CCDC80: variants seen among roughly 807,000 people sequenced by gnomAD.
CCDC80 encodes coiled-coil domain-containing protein 80.
Under a neutral mutation model 78.7 loss-of-function variants are expected in CCDC80, and 49 were observed. That is an observed-to-expected ratio of 0.62 (90% CI 0.50 to 0.79). The LOEUF (loss-of-function observed/expected upper bound fraction) is 0.79, where lower values mean the gene tolerates loss of function less well. Among genes scored for constraint, CCDC80 ranks in the 30% least tolerant of loss-of-function variants. The pLI is 0.00. For missense variants in CCDC80, 1,205 were observed against 1,198.6 expected (o/e 1.01, Z -0.08); for synonymous variants, 488 against 447.0 (o/e 1.09, Z -1.16).
intron 5 of CCDC80, among the ~76,000 whole-genome samples, chr3:112,614,602 T>C (rs761773186): frequency 1.6e-4 from 25 of 152,070 alleles, no homozygotes; most frequent in Non-Finnish European, 3.2e-4. Flanking sequence ...TTTAAGTCCT[T>C]ATGAAGGTGT....
In CCDC80 at chr3:112,598,533, C is replaced by T. The variant is rs1027317740; in HGVS notation, c.*6884G>A. 1 of 152,430 alleles carries T rather than the reference C, an allele frequency of 6.6e-6. No homozygotes were observed. The highest frequency in any genetic ancestry group is 1.9e-4 in the East Asian group (1 of 5,190). The allele number at this position is 152,430 out of a possible 1,614,324, so 9.4% of individuals were successfully genotyped here. ...GGGCAGTCTTAGCTATTTAAAATCA[C>T]CCACTTCTTCATCCGGCTCCCTTGG... On this transcript the variant is annotated 3_prime_UTR_variant, in exon 8 of 8. Transcript: ENST00000206423.
intron 3 of CCDC80, among the ~76,000 whole-genome samples, chr3:112,622,655 AATT>A (rs1464635109): frequency 6.6e-6 from 1 of 151,872 alleles, no homozygotes; most frequent in East Asian, 1.9e-4. Flanking sequence ...TTTTAAAAAA[AATT>A]ATTATTATTA....
chr3:112,639,744 G>A lies in CCDC80; in HGVS notation c.162C>T (p.His54=). The A allele has an allele frequency of 1.2e-6, 2 of 1,614,144 alleles. No homozygotes were observed. Among genetic ancestry groups the A allele is most frequent in the South Asian group, 1.1e-5 (1 of 91,088 alleles). Residue 54 remains histidine (H), a synonymous_variant, in exon 2 of 8, where the codon CAC becomes CAT. Transcript: ENST00000206423. ...DSSRPARFLR[H]TGRSRGIERS... ...TCTCAATTCCGCGAGACCTCCCAGT[G>A]TGCCTCAGAAACCGAGCTGGCCTAC...
chr3:112,633,022 T>C (rs929167185), intron 2 of CCDC80, among the ~76,000 whole-genome samples: 3 of 152,214 alleles, frequency 2.0e-5, no homozygotes, highest in Admixed American at 6.5e-5. Flanking sequence ...GTTCAGCTCC[T>C]GGCTAGCTTG....
At chr3:112,627,694 A>G (rs1936004644) in intron 3 of CCDC80, among the ~76,000 whole-genome samples, 1 of 152,214 alleles carries the variant, frequency 6.6e-6, no homozygotes, top group Admixed American at 6.5e-5. Context: ...CTTGGCTCAC[A>G]GTGCTACAGC....
rs1315094929 is a variant in CCDC80, at chr3:112,638,097, G to C, written c.1809C>G (p.His603Gln). 4 of 1,614,004 alleles carry C rather than the reference G, an allele frequency of 2.5e-6. No individual in the cohort carries two copies. The highest frequency in any genetic ancestry group is 3.3e-5 in the Admixed American group (2 of 59,980). ...CTGACTTCTTGGGACTCTGCGTGAA[G>C]TGTTTGTTGGTGGGTTTCTGATAGC... ...QDGYQKPTNK[H>Q]FTQSPKKSVA... Residue 603 changes from histidine (H) to glutamine (Q), a missense_variant, in exon 2 of 8, where the codon CAC (histidine) becomes CAG (glutamine). By Grantham distance (24) the His-to-Gln change is conservative. Transcript: ENST00000206423.
chr3:112,610,594 G>A (rs1044871866), intron 5 of CCDC80, among the ~76,000 whole-genome samples: 2 of 152,164 alleles, frequency 1.3e-5, no homozygotes, highest in African/African-American at 2.4e-5. Context: ...GTGGTTTAAA[G>A]GTTCAAAGAG....
intron 2 of CCDC80, among the ~76,000 whole-genome samples, chr3:112,634,834 C>T (rs1298234381): frequency 1.3e-5 from 2 of 152,146 alleles, no homozygotes; most frequent in African/African-American, 4.8e-5. Flanking sequence ...TTTGAGTTTT[C>T]AACTCAAACA....
chr3:112,621,933 A>G (rs955244749), intron 3 of CCDC80, among the ~76,000 whole-genome samples: 3 of 152,192 alleles, frequency 2.0e-5, no homozygotes, highest in Non-Finnish European at 4.4e-5. Flanking sequence ...CTCACCCCTC[A>G]TAAGTATTGT....
At chr3:112,625,478 T>C (rs924791728) in intron 3 of CCDC80, among the ~76,000 whole-genome samples, 1 of 152,226 alleles carries the variant, frequency 6.6e-6, no homozygotes, top group African/African-American at 2.4e-5. Flanking sequence ...GTATGTGTGA[T>C]ATATGTGTAA....
chr3:112,612,040 CTT>C (rs754201530), intron 5 of CCDC80, among the ~76,000 whole-genome samples: 305 of 133,388 alleles, frequency 2.3e-3, no homozygotes, highest in East Asian at 4.8e-3. Context: ...ACTTCCTCTG[CTT>C]TTTTTTTTTT....
chr3:112,638,389 T>G lies in CCDC80; in HGVS notation c.1517A>C (p.Tyr506Ser), dbSNP rs1323895592. The change falls in exon 2 of 8, where the codon TAT becomes TCT. Residue 506 changes from tyrosine to serine, a missense_variant. Physicochemically the swap from Tyr to Ser is moderately radical, Grantham distance 144. Coordinates refer to ENST00000206423, the MANE Select transcript of CCDC80 (RefSeq NM_199511.3). ...CCGGCTGAGGTCATACTTCTCCTCATACTCATTACTAAGAATTTTGTCCTG... is the reference window on the plus strand; with the variant it reads ...CCGGCTGAGGTCATACTTCTCCTCAGACTCATTACTAAGAATTTTGTCCTG... ...KAQDKILSNEYEEKYDLSRPT... is the reference protein window; with the variant it reads ...KAQDKILSNESEEKYDLSRPT... 6.2e-7 allele frequency: 1 copy of G among 1,614,054 alleles called. No individual in the cohort carries two copies.
At chr3:112,618,764 G>A (rs1470148445) in intron 4 of CCDC80, among the ~76,000 whole-genome samples, 1 of 152,194 alleles carries the variant, frequency 6.6e-6, no homozygotes, top group Non-Finnish European at 1.5e-5. Flanking sequence ...GCTGTGGGAA[G>A]TCACTCCAAC....
chr3:112,622,040 C>T (rs1045162057), intron 3 of CCDC80, among the ~76,000 whole-genome samples: 3 of 152,146 alleles, frequency 2.0e-5, no homozygotes, highest in Non-Finnish European at 2.9e-5. Context: ...GAGTGACTTG[C>T]TCAAGTTCAC....
rs745635532 is a variant in CCDC80, at chr3:112,639,809, G to A, written c.97C>T (p.His33Tyr). ...ACCAAAGGCACTTTCCGTCCTCCGTGGCTGCCTCTAATAGTGGCATGGGGG... is the reference window on the plus strand; with the variant it reads ...ACCAAAGGCACTTTCCGTCCTCCGTAGCTGCCTCTAATAGTGGCATGGGGG... Reference protein sequence around the residue: ...PHPHATIRGSHGGRKVPLVSP... With the variant: ...PHPHATIRGSYGGRKVPLVSP... The change falls in exon 2 of 8, where the codon CAC (histidine) becomes TAC (tyrosine). Residue 33 changes from histidine to tyrosine, a missense_variant. Coordinates refer to ENST00000206423, the MANE Select transcript of CCDC80 (RefSeq NM_199511.3). The A allele has an allele frequency of 8.7e-6, 14 of 1,614,016 alleles. No individual in the cohort carries two copies. Among genetic ancestry groups the A allele is most frequent in the African/African-American group, 8.0e-5 (6 of 74,878 alleles).
intron 6 of CCDC80, among the ~76,000 whole-genome samples, 158 bp from the exon 7 acceptor site, chr3:112,607,414 T>C (rs147287172): frequency 0.011 from 1,657 of 152,292 alleles, 29 homozygotes; most frequent in African/African-American, 0.037. Flanking sequence ...ATTTTTACCA[T>C]AAGGAAGAAA....
At chr3:112,626,372 G>C (rs1935973841) in intron 3 of CCDC80, among the ~76,000 whole-genome samples, 4 of 152,134 alleles carry the variant, frequency 2.6e-5, no homozygotes. Flanking sequence ...GAAGTTGGGG[G>C]AAAAGGGTCT....
intron 3 of CCDC80, among the ~76,000 whole-genome samples, chr3:112,620,740 A>T (rs942517754): frequency 1.3e-5 from 2 of 152,192 alleles, no homozygotes; most frequent in African/African-American, 4.8e-5. Context: ...AAAGAAAATC[A>T]TTCAAAAACT....
In CCDC80 at chr3:112,638,398, C is replaced by G; in HGVS notation, c.1508G>C (p.Ser503Thr). ...PKKKAQDKIL[S>T]NEYEEKYDLS... ...GTCATACTTCTCCTCATACTCATTA[C>G]TAAGAATTTTGTCCTGGGCCTTCTT... The change falls in exon 2 of 8, where the codon AGT becomes ACT. Residue 503 changes from serine to threonine, a missense_variant. Ser to Thr is a moderately conservative substitution (Grantham distance 58, BLOSUM62 1). Coordinates refer to ENST00000206423, the MANE Select transcript of CCDC80 (RefSeq NM_199511.3). 1 of 1,613,954 alleles carries G rather than the reference C, an allele frequency of 6.2e-7. No individual in the cohort carries two copies. The highest frequency in any genetic ancestry group is 8.5e-7 in the Non-Finnish European group (1 of 1,180,016).
Sources: allele counts gnomAD v4.1 joint callset (sites outside exome capture counted in the v4.1 genomes callset), GRCh38; gene constraint gnomAD v4.1.1; transcripts MANE v1.5; gene names NCBI Gene and HGNC (gene_info 2026-07-23, HGNC 2026-07-21).